TSPAN18: variants seen among roughly 807,000 people sequenced by gnomAD.
The protein encoded by TSPAN18 is tetraspanin-18.
In TSPAN18, 14 loss-of-function variants were observed where a neutral mutation model predicts 27.3. The observed-to-expected ratio is 0.51, with a 90% CI of 0.34 to 0.80. The LOEUF (loss-of-function observed/expected upper bound fraction) is 0.80. Ranked by LOEUF, TSPAN18 falls within the 30% of genes least tolerant of loss-of-function variation. The pLI is 0.01. For synonymous variants in TSPAN18, 143 were observed against 136.5 expected (o/e 1.05, Z -0.33); for missense variants, 268 against 323.9 (o/e 0.83, Z 1.32).
Position 44,909,840 on chromosome 11 carries a change from CT to C in TSPAN18, c.200del (p.Leu67ArgfsTer26). On this transcript the variant is annotated frameshift_variant, in exon 5 of 10. Coordinates refer to ENST00000520358, the MANE Select transcript of TSPAN18 (RefSeq NM_130783.5). LOFTEE classifies it high-confidence loss of function. ...ILLAMGGLLF[L>X]LGFLGCCGAV... The stretch of plus-strand genomic sequence containing the variant: ...CCTGGCCATGGGGGGCCTGCTCTTT[CT>C]GCTCGGCTTCCTGGGCTGCTGCGGG... 6.2e-7 allele frequency: 1 copy of C among 1,614,082 alleles called. No individual in the cohort carries two copies. Among genetic ancestry groups the C allele is most frequent in the Non-Finnish European group, 8.5e-7 (1 of 1,180,018 alleles).
intron 4 of TSPAN18, among the ~76,000 whole-genome samples, chr11:44,908,808 A>AAGG: frequency 6.9e-6 from 1 of 144,454 alleles, no homozygotes; most frequent in South Asian, 2.3e-4. Flanking sequence ...AGAAAGAAAG[A>AAGG]AAGAAAGAAA....
At chr11:44,797,894 G>GGAAC (rs1008378665) in intron 2 of TSPAN18, among the ~76,000 whole-genome samples, 5 of 152,200 alleles carry the variant, frequency 3.3e-5, no homozygotes, top group African/African-American at 1.2e-4. Flanking sequence ...GAGAAGTTTA[G>GGAAC]GAACGAGTGT....
chr11:44,899,939 C>T (rs947439671), intron 3 of TSPAN18, among the ~76,000 whole-genome samples: 3 of 152,216 alleles, frequency 2.0e-5, no homozygotes, highest in African/African-American at 7.2e-5. Context: ...GGCCCACCAT[C>T]TCCTTTCTAA....
intron 5 of TSPAN18, among the ~76,000 whole-genome samples, chr11:44,916,833 G>T (rs1859928766): frequency 6.6e-6 from 1 of 152,220 alleles, no homozygotes; most frequent in Admixed American, 6.5e-5. Context: ...GTCTCTGTGT[G>T]TGCCAGAGAT....
At chr11:44,918,519 C>T (rs114448374) in intron 6 of TSPAN18, among the ~76,000 whole-genome samples, 336 of 151,380 alleles carry the variant, frequency 2.2e-3, no homozygotes, top group African/African-American at 7.6e-3. Context: ...GAGCCAGGCA[C>T]CATAGCCAAA....
At chr11:44,785,982 C>A (rs1055067678) in intron 2 of TSPAN18, among the ~76,000 whole-genome samples, 1 of 152,226 alleles carries the variant, frequency 6.6e-6, no homozygotes, top group Non-Finnish European at 1.5e-5. Context: ...GGCAGTCGTG[C>A]CTACCTGGGC....
chr11:44,785,972 G>A (rs546679616), intron 2 of TSPAN18, among the ~76,000 whole-genome samples: 1 of 152,360 alleles, frequency 6.6e-6, no homozygotes, highest in South Asian at 2.1e-4. Flanking sequence ...AGGTGGATAC[G>A]GCAGTCGTGC....
intron 2 of TSPAN18, among the ~76,000 whole-genome samples, chr11:44,766,344 C>T (rs754765703): frequency 3.0e-4 from 46 of 152,304 alleles, no homozygotes; most frequent in Non-Finnish European, 5.9e-4. Context: ...CTGTGTCCCA[C>T]GGCTCACCCT....
intron 9 of TSPAN18, among the ~76,000 whole-genome samples, chr11:44,928,141 C>T (rs148226289): frequency 2.6e-5 from 4 of 152,306 alleles, no homozygotes; most frequent in Non-Finnish European, 5.9e-5. Context: ...GTGAGAACAT[C>T]AGCAAATCTG....
At chr11:44,903,896 A>G (rs751624666) in intron 3 of TSPAN18, 1 of 456,696 alleles carries the variant, frequency 2.2e-6, no homozygotes. Context: ...CACCTCTGGA[A>G]AATAAGGATA....
At chr11:44,908,016 C>T (rs896719771) in intron 4 of TSPAN18, among the ~76,000 whole-genome samples, 4 of 150,140 alleles carry the variant, frequency 2.7e-5, no homozygotes, top group Non-Finnish European at 5.9e-5. Flanking sequence ...GATCGTGCCA[C>T]TGCACTCCAG....
chr11:44,728,757 C>A (rs1488478860), intron 1 of TSPAN18, among the ~76,000 whole-genome samples: 1 of 152,118 alleles, frequency 6.6e-6, no homozygotes, highest in Non-Finnish European at 1.5e-5. Context: ...CTTGGGAAGT[C>A]GACGGCTGCT....
At chr11:44,797,602 C>T (rs570461165) in intron 2 of TSPAN18, among the ~76,000 whole-genome samples, 50 of 152,268 alleles carry the variant, frequency 3.3e-4, no homozygotes, top group Admixed American at 2.2e-3. Flanking sequence ...CTACAGTGAA[C>T]GCCTCCTTGG....
chr11:44,765,544 G>A (rs1470409654), intron 2 of TSPAN18, among the ~76,000 whole-genome samples: 1 of 152,108 alleles, frequency 6.6e-6, no homozygotes, highest in Non-Finnish European at 1.5e-5. Flanking sequence ...ATCCCATTCT[G>A]TCCTCTCATC....
chr11:44,857,442 A>G (rs761566652), intron 2 of TSPAN18, among the ~76,000 whole-genome samples: 1 of 152,222 alleles, frequency 6.6e-6, no homozygotes, highest in Non-Finnish European at 1.5e-5. Flanking sequence ...GTGGATGCCA[A>G]TGCTCACTGG....
At chr11:44,750,532 G>A (rs994402209) in intron 1 of TSPAN18, among the ~76,000 whole-genome samples, 4 of 152,152 alleles carry the variant, frequency 2.6e-5, no homozygotes, top group African/African-American at 9.7e-5. Context: ...GTATGTAGGG[G>A]ATCTTAAGAG....
intron 2 of TSPAN18, among the ~76,000 whole-genome samples, chr11:44,855,653 C>T (rs920640630): frequency 6.6e-6 from 1 of 152,022 alleles, no homozygotes; most frequent in African/African-American, 2.4e-5. Flanking sequence ...GCTGACACCT[C>T]AAATTAACCC....
chr11:44,926,120 A>G (rs1860343604), intron 8 of TSPAN18, among the ~76,000 whole-genome samples: 1 of 152,200 alleles, frequency 6.6e-6, no homozygotes, highest in Non-Finnish European at 1.5e-5. Flanking sequence ...CAGGGATTTG[A>G]AGGCTGGGCT....
chr11:44,798,861 A>G (rs1353287034), intron 2 of TSPAN18, among the ~76,000 whole-genome samples: 1 of 152,198 alleles, frequency 6.6e-6, no homozygotes, highest in Non-Finnish European at 1.5e-5. Flanking sequence ...AGCCCTGTCC[A>G]GGCTTGACTG....
Sources: gnomAD v4.1 joint callset for allele counts (sites outside exome capture counted in the v4.1 genomes callset) on GRCh38, gnomAD v4.1.1 for gene constraint, MANE v1.5 for transcripts, NCBI Gene and HGNC (gene_info 2026-07-23, HGNC 2026-07-21) for gene names.